Variants in GRXCR1 observed in about 807,000 individuals in gnomAD.
GRXCR1 encodes glutaredoxin domain-containing cysteine-rich protein 1.
A neutral mutation model predicts 27.3 loss-of-function variants in GRXCR1; 27 were observed. The ratio of observed to expected loss-of-function variants is 0.99; its 90% confidence interval spans 0.73 to 1.37. The LOEUF (loss-of-function observed/expected upper bound fraction) is 1.37. GRXCR1 is among the 40% of genes most tolerant of loss of function. The pLI is 0.00. For synonymous variants in GRXCR1, 122 were observed against 131.1 expected (o/e 0.93, Z 0.47); for missense variants, 379 against 354.4 (o/e 1.07, Z -0.56).
intron 2 of GRXCR1, among the ~76,000 whole-genome samples, chr4:42,989,351 C>T (rs1477119936): frequency 6.6e-6 from 1 of 152,052 alleles, no homozygotes; most frequent in African/African-American, 2.4e-5. Flanking sequence ...GACACTAATC[C>T]TATTGGATTA....
intron 1 of GRXCR1, among the ~76,000 whole-genome samples, chr4:42,920,691 C>T (rs1005881165): frequency 3.3e-5 from 5 of 152,028 alleles, no homozygotes; most frequent in Admixed American, 2.6e-4. Flanking sequence ...CACTTCCTTC[C>T]TTCCATTTTT....
intron 1 of GRXCR1, among the ~76,000 whole-genome samples, chr4:42,921,259 A>G (rs778315445): frequency 1.3e-5 from 2 of 152,096 alleles, no homozygotes; most frequent in Non-Finnish European, 2.9e-5. Flanking sequence ...CACACATGGA[A>G]TCTGCTGGTA....
intron 1 of GRXCR1, among the ~76,000 whole-genome samples, chr4:42,941,009 T>C (rs1747606105): frequency 6.6e-6 from 1 of 152,066 alleles, no homozygotes; most frequent in Non-Finnish European, 1.5e-5. Context: ...TGCTCTATTG[T>C]ATGGTGTAGA....
chr4:42,900,075 T>C (rs1746428254), intron 1 of GRXCR1, among the ~76,000 whole-genome samples: 1 of 152,210 alleles, frequency 6.6e-6, no homozygotes, highest in Admixed American at 6.5e-5. Flanking sequence ...GGCTTGCTCA[T>C]GCTGGCAGAT....
At chr4:43,026,990 T>C (rs931287902) in intron 3 of GRXCR1, among the ~76,000 whole-genome samples, 1 of 152,206 alleles carries the variant, frequency 6.6e-6, no homozygotes, top group Non-Finnish European at 1.5e-5. Flanking sequence ...CTCCCTTTCT[T>C]ACAGTGGCAA....
At position 42,974,556 on chromosome 4, in the gene GRXCR1, T is replaced by A. The variant is rs1748464585; in HGVS notation, c.627+11422T>A. Among the ~76,000 whole-genome samples the A allele has an allele frequency of 2.6e-5, 4 of 152,126 alleles. No individual in the cohort carries two copies. In the South Asian group the frequency reaches 8.3e-4, roughly 32 times the overall value. On this transcript the variant is annotated intron_variant, in intron 2 of 3. Coordinates refer to ENST00000399770, the MANE Select transcript of GRXCR1 (RefSeq NM_001080476.3). ...TGCTGTGAGCTTGGTTTCATTTCATTTCTTCCCCCAACTTCTTTCCTGATT... is the reference window on the plus strand; with the variant it reads ...TGCTGTGAGCTTGGTTTCATTTCATATCTTCCCCCAACTTCTTTCCTGATT...
intron 2 of GRXCR1, among the ~76,000 whole-genome samples, chr4:42,985,751 C>A (rs1268647324): frequency 6.6e-6 from 1 of 152,016 alleles, no homozygotes; most frequent in East Asian, 1.9e-4. Flanking sequence ...ATCTAGGTTT[C>A]CTTTTAGAAA....
rs1748156671 is a variant in GRXCR1 at position 42,962,906 on chromosome 4, T to G, written c.399T>G (p.Asp133Glu). The part of the protein sequence containing the change: ...LTKVLQQPST[D>E]LEFDRVVIYT... The stretch of plus-strand genomic sequence containing the variant: ...TTTCCCTTCAGCAACCATCAACTGA[T>G]CTAGAATTTGACCGTGTAGTGATTT... The change falls in exon 2 of 4, where the codon GAT becomes GAG. Residue 133 changes from aspartate to glutamate, a missense_variant. Transcript: ENST00000399770. 3.1e-6 allele frequency: 5 copies of G among 1,612,476 alleles called. No individual in the cohort carries two copies. The highest frequency in any genetic ancestry group is 4.2e-6 in the Non-Finnish European group (5 of 1,178,928).
chr4:43,024,816 AAGATGAATCATCCAG>A (rs1713203633), intron 3 of GRXCR1, among the ~76,000 whole-genome samples: 1 of 152,224 alleles, frequency 6.6e-6, no homozygotes, highest in African/African-American at 2.4e-5. Context: ...TACATAGACC[AAGATGAATCATCCAG>A]AGATGATTAT....
intron 3 of GRXCR1, among the ~76,000 whole-genome samples, chr4:43,027,294 A>T (rs2109810812): frequency 6.6e-6 from 1 of 152,344 alleles, no homozygotes; most frequent in East Asian, 1.9e-4. Flanking sequence ...GCAGACTCTG[A>T]GGATCCTATT....
At chr4:42,910,015 C>A (rs1252407407) in intron 1 of GRXCR1, among the ~76,000 whole-genome samples, 2 of 152,098 alleles carry the variant, frequency 1.3e-5, no homozygotes, top group African/African-American at 2.4e-5. Context: ...GTTTAATTGA[C>A]TCATAGTTCC....
chr4:42,999,221 C>T (rs552930710), intron 2 of GRXCR1, among the ~76,000 whole-genome samples: 1 of 152,278 alleles, frequency 6.6e-6, no homozygotes, highest in Non-Finnish European at 1.5e-5. Flanking sequence ...TACAGTCAAC[C>T]TTGATGTTAA....
chr4:42,983,776 CTTT>C, intron 2 of GRXCR1, among the ~76,000 whole-genome samples: 1 of 150,654 alleles, frequency 6.6e-6, no homozygotes, highest in Admixed American at 6.6e-5. Context: ...ATTCTTTTTT[CTTT>C]TTTCTCCTCT....
chr4:43,017,969 C>T (rs529259111), intron 2 of GRXCR1, among the ~76,000 whole-genome samples: 36 of 152,278 alleles, frequency 2.4e-4, no homozygotes, highest in Admixed American at 2.3e-3. Flanking sequence ...TGCTCCAAAC[C>T]TCAGCATGGG....
At chr4:42,960,706 T>C (rs566122364) in intron 1 of GRXCR1, among the ~76,000 whole-genome samples, 1 of 151,962 alleles carries the variant, frequency 6.6e-6, no homozygotes, top group East Asian at 1.9e-4. Context: ...CTATTGTTAT[T>C]ATCACATTCT....
chr4:43,005,498 T>C (rs1462359948), intron 2 of GRXCR1, among the ~76,000 whole-genome samples: 1 of 152,208 alleles, frequency 6.6e-6, no homozygotes, highest in Non-Finnish European at 1.5e-5. Flanking sequence ...TTTTTCCCAA[T>C]GTTGGATCAG....
intron 2 of GRXCR1, among the ~76,000 whole-genome samples, chr4:42,991,732 C>T (rs368377003): frequency 3.3e-5 from 5 of 152,052 alleles, no homozygotes; most frequent in African/African-American, 7.2e-5. Context: ...TTTTCATTAT[C>T]ATCCTCTGTT....
intron 2 of GRXCR1, among the ~76,000 whole-genome samples, chr4:42,976,376 T>C (rs1332181876): frequency 6.6e-6 from 1 of 152,092 alleles, no homozygotes; most frequent in Admixed American, 6.6e-5. Context: ...TATCAGAGTT[T>C]AAAGAAATCT....
At chr4:43,019,266 T>C (rs1337934545) in intron 2 of GRXCR1, among the ~76,000 whole-genome samples, 1 of 152,228 alleles carries the variant, frequency 6.6e-6, no homozygotes, top group Non-Finnish European at 1.5e-5. Flanking sequence ...CCCTGTGGGT[T>C]AGTTTTTTGT....
Sources: gnomAD v4.1 joint callset for allele counts (sites outside exome capture counted in the v4.1 genomes callset) on GRCh38, gnomAD v4.1.1 for gene constraint, MANE v1.5 for transcripts, NCBI Gene and HGNC (gene_info 2026-07-23, HGNC 2026-07-21) for gene names.